RAG1: variants seen among roughly 807,000 people sequenced by gnomAD.
The protein encoded by RAG1 is recombination activating 1.
A neutral mutation model predicts 62.7 loss-of-function variants in RAG1; 35 were observed. The observed-to-expected ratio is 0.56, with a 90% CI of 0.43 to 0.74. RAG1 has a LOEUF of 0.74. Among genes scored for constraint, RAG1 ranks in the 30% least tolerant of loss-of-function variants. The pLI, the probability that RAG1 is intolerant of heterozygous loss-of-function variation, is 0.00. For missense variants in RAG1, 1,169 were observed against 1,278.6 expected (o/e 0.91, Z 1.31); for synonymous variants, 461 against 470.3 (o/e 0.98, Z 0.26).
chr11:36,546,233 A>T (rs1359875682), intron 3 of RAG1, among the ~76,000 whole-genome samples: 2 of 152,176 alleles, frequency 1.3e-5, no homozygotes, highest in Non-Finnish European at 2.9e-5. Flanking sequence ...TAGGTATCTA[A>T]GAACTTGCTT....
chr11:36,529,970 G>A (rs1050037158), intron 2 of RAG1, among the ~76,000 whole-genome samples: 3 of 151,718 alleles, frequency 2.0e-5, no homozygotes, highest in African/African-American at 7.3e-5. Context: ...CTTTCTTAAA[G>A]TTCTTTAAAA....
rs777216600 is a variant in RAG1, at chr11:36,574,784, A to G, written c.1480A>G (p.Ile494Val). ...CAAGATGTACAGGACTGTGAAAGCC[A>G]TCACAGGGAGACAGATTTTTCAGCC... is the stretch of plus-strand genomic sequence containing the variant. ...YHKMYRTVKA[I>V]TGRQIFQPLH... The change falls in exon 2 of 2, where the codon ATC becomes GTC. Residue 494 changes from isoleucine (I) to valine (V), a missense_variant. Coordinates refer to ENST00000299440, the MANE Select transcript of RAG1 (RefSeq NM_000448.3). 4 of 1,614,126 alleles carry G rather than the reference A, an allele frequency of 2.5e-6. No individual in the cohort carries two copies. Among genetic ancestry groups the G allele is most frequent in the East Asian group, 2.2e-5 (1 of 44,894 alleles).
In RAG1 at chr11:36,575,422, G is replaced by A. The variant is rs2133296964; in HGVS notation, c.2118G>A (p.Arg706=). 3.7e-6 allele frequency: 6 copies of A among 1,614,002 alleles called. No homozygotes were observed. The highest frequency in any genetic ancestry group is 4.2e-6 in the Non-Finnish European group (5 of 1,179,926). ...TCCGGACTTTCAAGTTCATCTTCAG[G>A]GGCACCGGCTATGATGAAAAACTTG... ...GILRTFKFIF[R]GTGYDEKLVR... is the part of the protein sequence containing the mutation. The change falls in exon 2 of 2, where the codon AGG becomes AGA. Residue 706 remains arginine (R), a synonymous_variant. Coordinates refer to ENST00000299440, the MANE Select transcript of RAG1 (RefSeq NM_000448.3). This position sits in a 1 kb window ranked among gnomAD's most constrained non-coding sequence, Gnocchi z 4.1.
At chr11:36,536,979 C>G (rs757044663), downstream of RAG1, among the ~76,000 whole-genome samples, 1 of 149,038 alleles carries the variant, frequency 6.7e-6, no homozygotes, top group East Asian at 1.9e-4. Flanking sequence ...AGGATGGTCT[C>G]GATCTCCTGA....
chr11:36,574,533 G>GGCTGAGGGA lies in RAG1; in HGVS notation c.1233_1241dup (p.Arg412_Leu414dup), dbSNP rs1564988973. 1 of 1,614,238 alleles carries GGCTGAGGGA rather than the reference G, an allele frequency of 6.2e-7. No individual in the cohort carries two copies. Among genetic ancestry groups the GGCTGAGGGA allele is most frequent in the Non-Finnish European group, 8.5e-7 (1 of 1,180,042 alleles). The stretch of plus-strand genomic sequence containing the variant: ...CTGACTCGGAGAGCTCAGAAGCACC[G>GGCTGAGGGA]GCTGAGGGAGCTCAAGCTGCAAGTC... On this transcript the variant is annotated inframe_insertion, in exon 2 of 2. Transcript: ENST00000299440.
chr11:36,549,592 G>A (rs529238779), intron 3 of RAG1, among the ~76,000 whole-genome samples: 80 of 152,292 alleles, frequency 5.3e-4, no homozygotes, highest in Non-Finnish European at 1.8e-4. Context: ...TTAGAATGGC[G>A]ATCATTAAAA....
intron 2 of RAG1, among the ~76,000 whole-genome samples, chr11:36,529,104 TC>T (rs1590668047): frequency 6.6e-6 from 1 of 151,892 alleles, no homozygotes; most frequent in African/African-American, 2.4e-5. Context: ...ACTATTCCAA[TC>T]AATAGAAAAA....
chr11:36,531,739 A>T (rs1189201306), intron 2 of RAG1, among the ~76,000 whole-genome samples: 1 of 149,698 alleles, frequency 6.7e-6, no homozygotes, highest in Non-Finnish European at 1.5e-5. Context: ...TTCTGATGGT[A>T]CAAGATACTT....
At chr11:36,551,627 T>G (rs1850485740) in intron 3 of RAG1, among the ~76,000 whole-genome samples, 1 of 145,876 alleles carries the variant, frequency 6.9e-6, no homozygotes, top group Non-Finnish European at 1.5e-5. Context: ...TTTATTATAC[T>G]CTAAGTTTTA....
At chr11:36,561,504 G>A (rs1339485715) in intron 3 of RAG1, among the ~76,000 whole-genome samples, 2 of 152,036 alleles carry the variant, frequency 1.3e-5, no homozygotes, top group African/African-American at 4.8e-5. Context: ...GAGATATTTG[G>A]CTAAACATTA....
At chr11:36,528,275 G>A (rs1860196894) in intron 2 of RAG1, among the ~76,000 whole-genome samples, 1 of 152,072 alleles carries the variant, frequency 6.6e-6, no homozygotes, top group Admixed American at 6.6e-5. Flanking sequence ...TAAAAGAAAA[G>A]AAATCATAAC....
At chr11:36,516,470 C>T (rs1026880216) in intron 1 of RAG1, among the ~76,000 whole-genome samples, 12 of 152,204 alleles carry the variant, frequency 7.9e-5, no homozygotes, top group African/African-American at 2.4e-4. Flanking sequence ...TACAGGCGCC[C>T]GCCACCACGC....
downstream of RAG1, among the ~76,000 whole-genome samples, chr11:36,536,852 G>A (rs1346885620): frequency 4.6e-5 from 7 of 150,752 alleles, 1 homozygote; most frequent in South Asian, 8.4e-4. Flanking sequence ...TCCGCCTCCC[G>A]GGTTCACCCC....
chr11:36,544,782 G>T (rs550251506), intron 3 of RAG1, among the ~76,000 whole-genome samples: 1 of 152,156 alleles, frequency 6.6e-6, no homozygotes, highest in African/African-American at 2.4e-5. Flanking sequence ...ATCATGGCGG[G>T]GCTTCCCCCA....
chr11:36,520,259 G>A (rs1346225193), intron 2 of RAG1: 1 of 152,168 alleles, frequency 6.6e-6, no homozygotes, highest in African/African-American at 2.4e-5. Context: ...ACTGGATAAA[G>A]GCTATTTATT....
chr11:36,561,655 A>AT (rs1322293140), intron 3 of RAG1, among the ~76,000 whole-genome samples: 1 of 152,154 alleles, frequency 6.6e-6, no homozygotes, highest in East Asian at 1.9e-4. Context: ...GGAAGGGTAA[A>AT]TTTTTTTCTC....
intron 2 of RAG1, among the ~76,000 whole-genome samples, chr11:36,531,075 A>C (rs966343077): frequency 6.6e-6 from 1 of 151,554 alleles, no homozygotes; most frequent in African/African-American, 2.4e-5. Flanking sequence ...TTTTTGCATT[A>C]TATAAGCTCC....
chr11:36,569,413 G>T (rs914224870), intron 1 of RAG1, among the ~76,000 whole-genome samples: 2 of 152,218 alleles, frequency 1.3e-5, no homozygotes, highest in Admixed American at 6.5e-5. Flanking sequence ...TCAAGCATTT[G>T]CAAGGTTTCT....
intron 2 of RAG1, among the ~76,000 whole-genome samples, chr11:36,527,613 CTT>C (rs1860184906): frequency 6.6e-6 from 1 of 152,078 alleles, no homozygotes; most frequent in South Asian, 2.1e-4. Context: ...TTTTCCAACT[CTT>C]TGAAGAAAGT....
Sources: gnomAD v4.1 joint callset for allele counts (sites outside exome capture counted in the v4.1 genomes callset) on GRCh38, gnomAD v4.1.1 for gene constraint, Gnocchi (gnomAD v3.1) non-coding constraint, MANE v1.5 for transcripts, NCBI Gene and HGNC (gene_info 2026-07-23, HGNC 2026-07-21) for gene names.